The following AUTS2 variants were observed in gnomAD, a reference collection of about 807,000 sequenced individuals.
The protein encoded by AUTS2 is activator of transcription and developmental regulator AUTS2.
AUTS2 carries 17 observed loss-of-function variants against 112.4 expected under a neutral mutation model. The ratio of observed to expected loss-of-function variants is 0.15; its 90% CI spans 0.10 to 0.23. AUTS2 has a LOEUF of 0.23. Ranked by LOEUF, AUTS2 falls within the 10% of genes least tolerant of loss-of-function variation. The probability of loss-of-function intolerance (pLI) is 1.00; values close to 1 mark genes in which losing one functional copy is unlikely to be tolerated. For synonymous variants in AUTS2, 751 were observed against 702.7 expected, an observed-to-expected ratio of 1.07 and a Z score of -1.09; for missense variants, 1,510 against 1,701.6, an observed-to-expected ratio of 0.89 and a Z score of 1.98.
intron 5 of AUTS2, among the ~76,000 whole-genome samples, chr7:70,514,256 A>T (rs1799323525): frequency 6.6e-6 from 1 of 152,158 alleles, no homozygotes. Flanking sequence ...TTGTTTCTTT[A>T]TGCCAAGGAT....
chr7:69,698,715 A>G (rs1229751313), intron 1 of AUTS2, among the ~76,000 whole-genome samples: 2 of 152,208 alleles, frequency 1.3e-5, no homozygotes, highest in African/African-American at 2.4e-5. Flanking sequence ...GCATCTGCCA[A>G]CATGTCAAAT....
At chr7:70,127,158 T>A (rs1025517786) in intron 3 of AUTS2, among the ~76,000 whole-genome samples, 1 of 151,908 alleles carries the variant, frequency 6.6e-6, no homozygotes, top group African/African-American at 2.4e-5. Context: ...CTACCTTTGC[T>A]TATTCTTTTT....
chr7:70,152,657 A>G (rs1417805672), intron 4 of AUTS2, among the ~76,000 whole-genome samples: 2 of 152,244 alleles, frequency 1.3e-5, no homozygotes, highest in African/African-American at 4.8e-5. Context: ...TTCAGCATTA[A>G]GAAATCAAAA....
At chr7:69,616,250 T>A (rs1011727699) in intron 1 of AUTS2, among the ~76,000 whole-genome samples, 1 of 152,056 alleles carries the variant, frequency 6.6e-6, no homozygotes, top group Non-Finnish European at 1.5e-5. Context: ...TATTTGGGGG[T>A]CATTTAGATA....
chr7:70,661,287 A>G (rs736477), intron 5 of AUTS2, among the ~76,000 whole-genome samples: 4,273 of 152,216 alleles, frequency 0.028, 164 homozygotes, highest in East Asian at 0.12. Flanking sequence ...TCTTGGATGC[A>G]CTTCAAAGCG....
intron 5 of AUTS2, among the ~76,000 whole-genome samples, chr7:70,593,313 T>C (rs534461465): frequency 2.4e-4 from 37 of 152,324 alleles, no homozygotes; most frequent in African/African-American, 8.7e-4. Context: ...ATAATCTAAG[T>C]TGGTAATATT....
intron 4 of AUTS2, among the ~76,000 whole-genome samples, chr7:70,375,015 T>A (rs1481383510): frequency 6.6e-6 from 1 of 152,030 alleles, no homozygotes; most frequent in Non-Finnish European, 1.5e-5. Flanking sequence ...CTCCTAGGAG[T>A]GCCCCGATGC....
chr7:70,264,423 G>A (rs1787320981), intron 4 of AUTS2, among the ~76,000 whole-genome samples: 1 of 152,056 alleles, frequency 6.6e-6, no homozygotes, highest in African/African-American at 2.4e-5. Flanking sequence ...GGCCAGGATG[G>A]TCTTGATCTC....
At chr7:69,871,463 T>G (rs778921288) in intron 1 of AUTS2, among the ~76,000 whole-genome samples, 3 of 152,188 alleles carry the variant, frequency 2.0e-5, no homozygotes, top group Non-Finnish European at 4.4e-5. Flanking sequence ...TATACTATGC[T>G]TTTTCCTATA....
chr7:70,381,300 C>T (rs1230907520), intron 4 of AUTS2, among the ~76,000 whole-genome samples: 1 of 152,184 alleles, frequency 6.6e-6, no homozygotes, highest in African/African-American at 2.4e-5. Context: ...CCAACATGGA[C>T]ATGTCTTATA....
At chr7:70,678,133 C>T (rs1808019637) in intron 5 of AUTS2, among the ~76,000 whole-genome samples, 1 of 152,020 alleles carries the variant, frequency 6.6e-6, no homozygotes, top group South Asian at 2.1e-4. Context: ...TTCTACCTTC[C>T]CCACGTGTAG....
At chr7:70,658,406 A>C (rs947729342) in intron 5 of AUTS2, among the ~76,000 whole-genome samples, 1 of 152,242 alleles carries the variant, frequency 6.6e-6, no homozygotes. Flanking sequence ...AAGAGCTTCA[A>C]AGCCCTGCTG....
chr7:69,792,908 T>G (rs1489648283), intron 1 of AUTS2, among the ~76,000 whole-genome samples: 1 of 152,178 alleles, frequency 6.6e-6, no homozygotes, highest in Non-Finnish European at 1.5e-5. Context: ...CAATAAATTC[T>G]GAGAATCATT....
chr7:70,177,394 C>T (rs1168059532), intron 4 of AUTS2, among the ~76,000 whole-genome samples: 1 of 152,178 alleles, frequency 6.6e-6, no homozygotes, highest in East Asian at 1.9e-4. Flanking sequence ...GTGCTCAAAA[C>T]CACCACACCA....
At chr7:69,613,661 A>G (rs1260117043) in intron 1 of AUTS2, among the ~76,000 whole-genome samples, 2 of 152,204 alleles carry the variant, frequency 1.3e-5, no homozygotes, top group African/African-American at 2.4e-5. Flanking sequence ...TACTGTGCAT[A>G]TAAGCTTATA....
chr7:70,413,408 C>A (rs1794857476), intron 4 of AUTS2, among the ~76,000 whole-genome samples: 1 of 152,076 alleles, frequency 6.6e-6, no homozygotes, highest in Admixed American at 6.5e-5. Flanking sequence ...GTTTTAGGGA[C>A]CTGGGTGAAA....
At chr7:69,957,288 C>G (rs1797253099) in intron 2 of AUTS2, among the ~76,000 whole-genome samples, 1 of 150,614 alleles carries the variant, frequency 6.6e-6, no homozygotes, top group Admixed American at 6.7e-5. Flanking sequence ...TAATGAGCTC[C>G]TTATCAACCG....
chr7:70,231,975 A>G (rs926011916), intron 4 of AUTS2, among the ~76,000 whole-genome samples: 5 of 151,874 alleles, frequency 3.3e-5, no homozygotes, highest in Non-Finnish European at 7.4e-5. Flanking sequence ...GGGTTTCACC[A>G]TGGTAGCCAG....
intron 2 of AUTS2, among the ~76,000 whole-genome samples, chr7:69,984,637 G>T (rs887364178): frequency 1.3e-5 from 2 of 152,034 alleles, no homozygotes; most frequent in Non-Finnish European, 2.9e-5. Context: ...TTTCCCCCAC[G>T]CTGAGAACAG....
Sources: gnomAD v4.1 joint callset for allele counts (sites outside exome capture counted in the v4.1 genomes callset) on GRCh38, gnomAD v4.1.1 for gene constraint, MANE v1.5 for transcripts, NCBI Gene and HGNC (gene_info 2026-07-23, HGNC 2026-07-21) for gene names.